RASEF: variants seen among roughly 807,000 people sequenced by gnomAD.
RASEF encodes the protein ras and EF-hand domain-containing protein.
RASEF carries 68 observed loss-of-function variants against 90.1 expected under a neutral mutation model. The ratio of observed to expected loss-of-function variants is 0.75; its 90% CI spans 0.62 to 0.92. The LOEUF (loss-of-function observed/expected upper bound fraction) is 0.92, where lower values mean the gene tolerates loss of function less well. Among genes scored for constraint, RASEF ranks in the 40% least tolerant of loss-of-function variants. The probability of loss-of-function intolerance (pLI) is 0.00; values close to 1 mark genes in which losing one functional copy is unlikely to be tolerated. For synonymous variants in RASEF, 331 were observed against 345.2 expected (o/e 0.96, Z 0.46); for missense variants, 949 against 937.2 (o/e 1.01, Z -0.16).
the RASEF span, among the ~76,000 whole-genome samples, chr9:83,208,167 G>A: frequency 1.3e-5 from 2 of 152,082 alleles, no homozygotes; most frequent in Non-Finnish European, 2.9e-5. Context: ...GTTGTCAACC[G>A]GCCATCCTGC....
chr9:83,142,719 T>G, the RASEF span, among the ~76,000 whole-genome samples: 4 of 152,148 alleles, frequency 2.6e-5, no homozygotes, highest in Admixed American at 1.3e-4. Flanking sequence ...TGGGAACCTG[T>G]GTTGGTGGAT....
the RASEF span, among the ~76,000 whole-genome samples, chr9:83,102,075 G>A: frequency 2.0e-5 from 3 of 152,022 alleles, no homozygotes; most frequent in Non-Finnish European, 4.4e-5. Flanking sequence ...ATGGCACAAA[G>A]GTGAAAGAGA....
the RASEF span, among the ~76,000 whole-genome samples, chr9:83,206,369 T>C: frequency 6.6e-6 from 1 of 152,214 alleles, no homozygotes; most frequent in Non-Finnish European, 1.5e-5. Context: ...TGCTGGGTTA[T>C]TAAAATGTAT....
intron 1 of RASEF, among the ~76,000 whole-genome samples, chr9:83,044,776 T>C (rs1317712118): frequency 6.6e-6 from 1 of 152,224 alleles, no homozygotes; most frequent in Admixed American, 6.5e-5. Flanking sequence ...GCCAGATATT[T>C]GCTTAAACAT....
chr9:83,143,548 C>A, the RASEF span, among the ~76,000 whole-genome samples: 2 of 151,998 alleles, frequency 1.3e-5, no homozygotes, highest in Non-Finnish European at 2.9e-5. Context: ...TAACTTATTG[C>A]TAATATTGTT....
upstream of RASEF, among the ~76,000 whole-genome samples, chr9:83,065,149 T>C (rs116420646): frequency 0.014 from 2,205 of 152,302 alleles, 48 homozygotes; most frequent in African/African-American, 0.051. Context: ...TATTCTTATT[T>C]CTACCAATAT....
At chr9:83,141,102 C>T in the RASEF span, among the ~76,000 whole-genome samples, 1 of 144,070 alleles carries the variant, frequency 6.9e-6, no homozygotes, top group Non-Finnish European at 1.5e-5. Flanking sequence ...GATATCACAC[C>T]ATTGCACTTC....
chr9:83,057,830 CATATATTCATATATACATATAT>C (rs1163583617), intron 1 of RASEF, among the ~76,000 whole-genome samples: 67 of 116,850 alleles, frequency 5.7e-4, no homozygotes, highest in Non-Finnish European at 6.8e-4. Context: ...TTCATATATA[CATATATTCATATATACATATAT>C]ATATATATAT....
chr9:83,218,437 C>T, the RASEF span, among the ~76,000 whole-genome samples: 1 of 151,962 alleles, frequency 6.6e-6, no homozygotes, highest in Non-Finnish European at 1.5e-5. Flanking sequence ...GCCAAACTGC[C>T]CCCAAGAAAG....
intron 3 of RASEF, among the ~76,000 whole-genome samples, chr9:83,016,969 T>C (rs572083294): frequency 3.5e-4 from 53 of 152,278 alleles, no homozygotes; most frequent in African/African-American, 1.1e-3. Context: ...AAAAGCAACA[T>C]CTTCCCTAAA....
Position 82,982,633 on chromosome 9 carries a change from G to C in RASEF, c.*44C>G. 9.5e-7 allele frequency: 1 copy of C among 1,053,034 alleles called. No homozygotes were observed. Among genetic ancestry groups the C allele is most frequent in the East Asian group, 2.4e-5 (1 of 42,232 alleles). 65.2% of individuals were successfully genotyped at this position (1,053,034 alleles called of 1,614,324 possible). On this transcript the variant is annotated 3_prime_UTR_variant, in exon 17 of 17. Transcript: ENST00000376447. ...GAGCCAAATAAGTCACACAAATTCA[G>C]TATTCTGGAAATGAAGACTTCACAG...
At chr9:83,125,422 T>G in the RASEF span, among the ~76,000 whole-genome samples, 3 of 152,332 alleles carry the variant, frequency 2.0e-5, no homozygotes, top group African/African-American at 7.2e-5. Flanking sequence ...AAATTTGTGT[T>G]GTTTTAAGCC....
the RASEF span, among the ~76,000 whole-genome samples, chr9:83,078,437 C>T: frequency 6.6e-6 from 1 of 152,084 alleles, no homozygotes; most frequent in Admixed American, 6.6e-5. Flanking sequence ...GAGGCCGAGG[C>T]GGGTGGATCA....
chr9:83,121,468 G>A, the RASEF span, among the ~76,000 whole-genome samples: 3 of 152,266 alleles, frequency 2.0e-5, no homozygotes, highest in South Asian at 6.2e-4. Context: ...CTCTAGACCA[G>A]GGGTTAGCAA....
At chr9:83,155,022 C>T in the RASEF span, among the ~76,000 whole-genome samples, 1 of 152,318 alleles carries the variant, frequency 6.6e-6, no homozygotes, top group African/African-American at 2.4e-5. Flanking sequence ...TTCCCACCAC[C>T]TCTTGTGGGT....
chr9:83,009,660 G>C lies in RASEF; in HGVS notation c.940C>G (p.Gln314Glu), dbSNP rs1285480415. ...TCATACCTTTCAGTATTCAGACTCT[G>C]ATCAGCATAATCACTTTTCAAAGCA... ...LDALKSDYAD[Q>E]SLNTERDLEI... The change falls in exon 6 of 17, where the codon CAG becomes GAG. Residue 314 changes from glutamine to glutamate, a missense_variant. By Grantham distance (29) the Gln-to-Glu change is conservative (BLOSUM62 2). Around this residue, in one of 3 missense-constraint regions of RASEF, gnomAD observed 656 missense variants for 592.2 expected, o/e 1.11. Coordinates refer to ENST00000376447, the MANE Select transcript of RASEF (RefSeq NM_152573.4). 5 of 1,605,428 alleles carry C rather than the reference G, an allele frequency of 3.1e-6. No individual in the cohort carries two copies. The East Asian group carries it at 1.1e-4, about 36-fold the overall frequency.
At chr9:83,083,098 T>C in the RASEF span, among the ~76,000 whole-genome samples, 6 of 152,302 alleles carry the variant, frequency 3.9e-5, no homozygotes, top group African/African-American at 1.4e-4. Context: ...ATATATGTAG[T>C]ACCACAGCTA....
At chr9:83,036,612 A>T (rs1303718488) in intron 1 of RASEF, among the ~76,000 whole-genome samples, 1 of 152,226 alleles carries the variant, frequency 6.6e-6, no homozygotes, top group African/African-American at 2.4e-5. Context: ...ATAAATGCAT[A>T]ACTGCTCCAA....
chr9:83,189,378 TA>T, the RASEF span, among the ~76,000 whole-genome samples: 1 of 152,222 alleles, frequency 6.6e-6, no homozygotes, highest in African/African-American at 2.4e-5. Context: ...CTTTCCTGTA[TA>T]AATTACCCAG....
Sources: allele counts gnomAD v4.1 joint callset (sites outside exome capture counted in the v4.1 genomes callset), GRCh38; gene constraint gnomAD v4.1.1; regional missense constraint gnomAD v4.1.1; transcripts MANE v1.5; gene names NCBI Gene and HGNC (gene_info 2026-07-23, HGNC 2026-07-21).